The following OPCML variants were observed in gnomAD, a reference collection of about 807,000 sequenced individuals.
OPCML encodes opioid binding protein/cell adhesion molecule like.
In OPCML, 13 loss-of-function variants were observed where a neutral mutation model predicts 37.8. That is an observed-to-expected ratio of 0.34 (90% confidence interval 0.22 to 0.55). The LOEUF is 0.55. OPCML is among the 20% of genes least tolerant of loss of function. The pLI is 0.91. For synonymous variants in OPCML, 176 were observed against 168.8 expected, an observed-to-expected ratio of 1.04 and a Z score of -0.33; for missense variants, 341 against 435.6, an observed-to-expected ratio of 0.78 and a Z score of 1.93.
At chr11:132,982,548 T>A (rs1334555348) in intron 1 of OPCML, among the ~76,000 whole-genome samples, 1 of 151,564 alleles carries the variant, frequency 6.6e-6, no homozygotes, top group African/African-American at 2.4e-5. Context: ...CTACACTAGC[T>A]TAAGAGACAG....
In OPCML at chr11:133,011,390, C is replaced by T. The variant is rs186096464; in HGVS notation, c.62-68380G>A. On this transcript the variant is annotated intron_variant, in intron 1 of 7. Transcript: ENST00000524381. ...GTTACTGCAGGTGTTGAGGCTGCAACCTTGAATAATACCCACGGGGAACCC... is the reference window on the plus strand; with the variant it reads ...GTTACTGCAGGTGTTGAGGCTGCAATCTTGAATAATACCCACGGGGAACCC... 3.3e-3 allele frequency among the ~76,000 whole-genome samples: 502 copies of T among 152,224 alleles called. 1 individual carries two copies. Among genetic ancestry groups the T allele is most frequent in the Admixed American group, 7.5e-3 (115 of 15,282 alleles).
rs550227735 is a variant in OPCML at position 132,426,432 on chromosome 11, T to C, written c.917-6139A>G. ...TGCTAGGTTTGTGCAAAAGTCATCA[T>C]GGTTTTTGCCATTACTTTTTTTTTA... is the stretch of plus-strand genomic sequence containing the variant. On this transcript the variant is annotated intron_variant, in intron 7 of 7. Transcript: ENST00000524381. Among the ~76,000 whole-genome samples the C allele has an allele frequency of 1.3e-3, 199 of 152,282 alleles. 5 individuals carry two copies. Among genetic ancestry groups the C allele is most frequent in the Middle Eastern group, 3.4e-3 (1 of 294 alleles).
At chr11:132,660,423 G>T (rs1398683245) in intron 2 of OPCML, among the ~76,000 whole-genome samples, 1 of 152,054 alleles carries the variant, frequency 6.6e-6, no homozygotes, top group Non-Finnish European at 1.5e-5. Context: ...GCAATGAATT[G>T]GAAAATACCT....
At chr11:132,422,063 A>C (rs2095961348) in intron 7 of OPCML, among the ~76,000 whole-genome samples, 1 of 152,118 alleles carries the variant, frequency 6.6e-6, no homozygotes, top group Non-Finnish European at 1.5e-5. Flanking sequence ...TTTTCTTAAA[A>C]AGTATTTTCA....
intron 4 of OPCML, among the ~76,000 whole-genome samples, chr11:132,481,533 A>G (rs1184086680): frequency 6.6e-6 from 1 of 150,426 alleles, no homozygotes; most frequent in Non-Finnish European, 1.5e-5. Context: ...CAACAAGGAT[A>G]CCCAGGAATT....
At position 132,417,995 on chromosome 11, in the gene OPCML, C is replaced by T. The variant is rs984938311; in HGVS notation, c.*2198G>A. 1 of 152,186 alleles carries T rather than the reference C, an allele frequency of 6.6e-6. No individual in the cohort carries two copies. The highest frequency in any genetic ancestry group is 1.5e-5 in the Non-Finnish European group (1 of 68,038). The allele number at this position is 152,186 out of a possible 1,614,324, so 9.4% of individuals were successfully genotyped here. On this transcript the variant is annotated 3_prime_UTR_variant, in exon 8 of 8. Transcript: ENST00000524381. ...TTAATTTCACTCACACCAGCTCTAC[C>T]TCTTAAGACAGTGCTTAGCATTTAG...
chr11:132,490,593 C>A (rs1207834012), intron 4 of OPCML, among the ~76,000 whole-genome samples: 2 of 151,884 alleles, frequency 1.3e-5, no homozygotes, highest in African/African-American at 4.8e-5. Flanking sequence ...CCGAGGCGGG[C>A]GGATCGTGAG....
intron 2 of OPCML, among the ~76,000 whole-genome samples, chr11:132,800,704 T>C (rs1313761020): frequency 1.3e-5 from 2 of 152,236 alleles, no homozygotes; most frequent in Non-Finnish European, 2.9e-5. Context: ...AATGGTGGAT[T>C]ACATTAATTG....
chr11:132,700,302 C>A (rs987070674), intron 2 of OPCML, among the ~76,000 whole-genome samples: 1 of 151,806 alleles, frequency 6.6e-6, no homozygotes, highest in Non-Finnish European at 1.5e-5. Flanking sequence ...CTGTTCTAAT[C>A]TTCATTAATT....
rs386375310 is a variant in OPCML, at chr11:132,582,846, G to GTT, written c.380-53662_380-53661dup. Among the ~76,000 whole-genome samples, 63 of 43,690 alleles carry GTT rather than the reference G, an allele frequency of 1.4e-3. 3 individuals are homozygous for GTT. The highest frequency in any genetic ancestry group is 0.02 in the Middle Eastern group (2 of 98). 28.7% of individuals were successfully genotyped at this position (43,690 alleles called of 152,430 possible). ...CTTCAGAGTTGTTTTTTTGTTTAAG[G>GTT]TTTTTTTTTTTTTTTTTTTTTGATA... is the stretch of plus-strand genomic sequence containing the variant. On this transcript the variant is annotated intron_variant, in intron 3 of 7. Coordinates refer to ENST00000524381, the MANE Select transcript of OPCML (RefSeq NM_001012393.5).
intron 2 of OPCML, among the ~76,000 whole-genome samples, chr11:132,885,614 C>A (rs1397607820): frequency 1.3e-5 from 2 of 152,022 alleles, no homozygotes; most frequent in African/African-American, 4.8e-5. Flanking sequence ...AGGGCTTTCT[C>A]AAATATTAAA....
chr11:132,422,986 T>C (rs1361214804), intron 7 of OPCML, among the ~76,000 whole-genome samples: 1 of 152,230 alleles, frequency 6.6e-6, no homozygotes, highest in Non-Finnish European at 1.5e-5. Flanking sequence ...GAGATGGGGT[T>C]TGATGACCTG....
intron 1 of OPCML, among the ~76,000 whole-genome samples, chr11:133,278,262 CA>C (rs1190401230): frequency 6.6e-6 from 1 of 152,026 alleles, no homozygotes; most frequent in Non-Finnish European, 1.5e-5. Context: ...AAAACCAGCC[CA>C]AAGACAGCTG....
intron 1 of OPCML, among the ~76,000 whole-genome samples, chr11:132,957,824 C>T (rs980941364): frequency 6.6e-5 from 10 of 152,150 alleles, no homozygotes; most frequent in Non-Finnish European, 1.3e-4. Context: ...GAAACTTAAT[C>T]GATAAATGTG....
intron 1 of OPCML, among the ~76,000 whole-genome samples, chr11:133,120,458 C>T (rs994491477): frequency 6.6e-6 from 1 of 152,174 alleles, no homozygotes; most frequent in East Asian, 1.9e-4. Flanking sequence ...GCACTTACCC[C>T]ATGCCAGACA....
intron 1 of OPCML, among the ~76,000 whole-genome samples, chr11:133,417,773 A>G (rs1945800501): frequency 6.6e-6 from 1 of 152,086 alleles, no homozygotes; most frequent in Admixed American, 6.5e-5. Context: ...CCACCAATTG[A>G]ATATTTACTA....
At chr11:133,423,144 C>T in intron 1 of OPCML, 1 of 985,402 alleles carries the variant, frequency 1.0e-6, no homozygotes, top group Non-Finnish European at 1.2e-6. Flanking sequence ...ACCATTCATC[C>T]TCTTTCAGAA....
At chr11:133,505,671 A>G (rs1275600018) in intron 1 of OPCML, among the ~76,000 whole-genome samples, 1 of 152,198 alleles carries the variant, frequency 6.6e-6, no homozygotes, top group Non-Finnish European at 1.5e-5. Flanking sequence ...CTGTCTTATA[A>G]TCGTTAACCA....
intron 4 of OPCML, among the ~76,000 whole-genome samples, chr11:132,455,795 A>ATTCATTCT (rs567115748): frequency 6.6e-5 from 10 of 151,996 alleles, no homozygotes; most frequent in African/African-American, 2.4e-4. Flanking sequence ...TCATTCATTC[A>ATTCATTCT]TTCATATGTA....
Sources: gnomAD v4.1 joint callset for allele counts (sites outside exome capture counted in the v4.1 genomes callset) on GRCh38, gnomAD v4.1.1 for gene constraint, MANE v1.5 for transcripts, NCBI Gene and HGNC (gene_info 2026-07-23, HGNC 2026-07-21) for gene names.